The following STXBP6 variants were observed in gnomAD, a reference collection of about 807,000 sequenced individuals.
The protein encoded by STXBP6 is syntaxin-binding protein 6.
STXBP6 carries 21 observed loss-of-function variants against 26.9 expected under a neutral mutation model. The observed-to-expected ratio is 0.78, with a 90% CI of 0.55 to 1.12. STXBP6 has a LOEUF of 1.12. Among genes scored for constraint, STXBP6 ranks in the 50% most tolerant of loss-of-function variants. STXBP6 has a pLI of 0.00. For synonymous variants in STXBP6, 97 were observed against 92.6 expected (o/e 1.05, Z -0.27); for missense variants, 232 against 257.9 (o/e 0.90, Z 0.69).
chr14:24,914,061 C>G (rs1345641296), intron 2 of STXBP6, among the ~76,000 whole-genome samples: 1 of 152,132 alleles, frequency 6.6e-6, no homozygotes, highest in Non-Finnish European at 1.5e-5. Flanking sequence ...GATACTAAAG[C>G]TGGTATCAGA....
At chr14:24,825,127 C>G (rs2068245452) in intron 4 of STXBP6, among the ~76,000 whole-genome samples, 1 of 152,112 alleles carries the variant, frequency 6.6e-6, no homozygotes, top group African/African-American at 2.4e-5. Flanking sequence ...CGGGTGAGAG[C>G]AGGAGAGGTA....
chr14:24,974,600 A>G (rs1438176329), intron 2 of STXBP6, 65 bp downstream of exon 2: 1 of 1,399,458 alleles, frequency 7.1e-7, no homozygotes, highest in East Asian at 2.5e-5. Flanking sequence ...CCTCCTGGAT[A>G]CCTCAGAATG....
chr14:24,831,775 G>A (rs1056538615), intron 4 of STXBP6, among the ~76,000 whole-genome samples: 3 of 152,112 alleles, frequency 2.0e-5, no homozygotes, highest in Admixed American at 6.5e-5. Flanking sequence ...TTGTCCTGAA[G>A]TCATGAGGTT....
intron 5 of STXBP6, chr14:24,817,844 G>A (rs2068024095): frequency 3.0e-6 from 1 of 331,688 alleles, no homozygotes; most frequent in Non-Finnish European, 5.9e-6. Context: ...GGGCCCCACG[G>A]GCAACAGTGC....
intron 1 of STXBP6, among the ~76,000 whole-genome samples, chr14:25,042,891 C>G (rs2075666085): frequency 6.6e-6 from 1 of 152,236 alleles, no homozygotes; most frequent in East Asian, 1.9e-4. Context: ...TATCATGCCT[C>G]TTGGACCCAA....
chr14:24,958,575 G>A (rs1476988197), intron 2 of STXBP6, among the ~76,000 whole-genome samples: 1 of 152,164 alleles, frequency 6.6e-6, no homozygotes, highest in Non-Finnish European at 1.5e-5. Context: ...CTTAAAGCTA[G>A]AGAATTTTAT....
In STXBP6 at chr14:24,974,782, C is replaced by T; in HGVS notation, c.37G>A (p.Ala13Thr). Residue 13 changes from alanine (A) to threonine (T), a missense_variant, in exon 2 of 6, where the codon GCA becomes ACA. Transcript: ENST00000323944. The stretch of plus-strand genomic sequence containing the variant: ...CCCAGCATCCTTTCATCAAGAGGTG[C>T]AAAAATTTCCTTGCTGATAGCAGAT... Reference protein sequence around the residue: ...AKSAISKEIFAPLDERMLGAV... With the variant: ...AKSAISKEIFTPLDERMLGAV... 6.2e-7 allele frequency: 1 copy of T among 1,608,536 alleles called. No individual in the cohort carries two copies. Among genetic ancestry groups the T allele is most frequent in the Non-Finnish European group, 8.5e-7 (1 of 1,177,034 alleles).
chr14:24,852,386 T>A (rs1227836979), intron 4 of STXBP6, among the ~76,000 whole-genome samples: 1 of 152,134 alleles, frequency 6.6e-6, no homozygotes, highest in Non-Finnish European at 1.5e-5. Flanking sequence ...TTTGTAACAC[T>A]GACTTCCATT....
intron 2 of STXBP6, among the ~76,000 whole-genome samples, chr14:24,931,275 T>C (rs2072397147): frequency 1.3e-5 from 2 of 149,088 alleles, no homozygotes; most frequent in Non-Finnish European, 3.0e-5. Context: ...TTAGGAGATA[T>C]ACCTAATGTC....
At chr14:24,872,116 T>C (rs1284992171) in intron 2 of STXBP6, among the ~76,000 whole-genome samples, 1 of 152,166 alleles carries the variant, frequency 6.6e-6, no homozygotes, top group Admixed American at 6.5e-5. Context: ...TATGCCAAAA[T>C]TCCCACGAAG....
chr14:24,894,851 A>G (rs2070927604), intron 2 of STXBP6, among the ~76,000 whole-genome samples: 1 of 150,896 alleles, frequency 6.6e-6, no homozygotes, highest in South Asian at 2.1e-4. Context: ...CTTTATTTTA[A>G]AAGTTTTCCA....
chr14:24,872,862 C>T (rs2069988617), intron 2 of STXBP6, among the ~76,000 whole-genome samples: 1 of 152,200 alleles, frequency 6.6e-6, no homozygotes, highest in African/African-American at 2.4e-5. Flanking sequence ...CTCAGAAATC[C>T]AGCTCACACT....
intron 1 of STXBP6, among the ~76,000 whole-genome samples, chr14:24,979,366 T>G (rs2074127695): frequency 6.6e-6 from 1 of 152,332 alleles, no homozygotes; most frequent in East Asian, 1.9e-4. Flanking sequence ...GTCAGCATGC[T>G]GATAACAAGT....
chr14:25,048,836 G>C (rs1370101557), intron 1 of STXBP6: 1 of 152,374 alleles, frequency 6.6e-6, no homozygotes, highest in South Asian at 2.1e-4. Flanking sequence ...GTGGAGCCAG[G>C]AAAAATTCGT....
At chr14:24,821,293 A>T (rs1258360876) in intron 4 of STXBP6, among the ~76,000 whole-genome samples, 1 of 152,216 alleles carries the variant, frequency 6.6e-6, no homozygotes, top group Non-Finnish European at 1.5e-5. Context: ...GAGGGTGTAT[A>T]ACCAAGACTT....
intron 2 of STXBP6, among the ~76,000 whole-genome samples, chr14:24,961,684 T>C (rs1427840861): frequency 6.6e-6 from 1 of 152,118 alleles, no homozygotes; most frequent in Non-Finnish European, 1.5e-5. Flanking sequence ...AAAAATTACC[T>C]ATCCAATACA....
chr14:24,989,608 G>C (rs1370285156), intron 1 of STXBP6, among the ~76,000 whole-genome samples: 1 of 152,228 alleles, frequency 6.6e-6, no homozygotes, highest in Non-Finnish European at 1.5e-5. Flanking sequence ...TGAAATGTGT[G>C]TTTGTGGGGA....
chr14:24,955,690 T>C (rs1004498862), intron 2 of STXBP6, among the ~76,000 whole-genome samples: 5 of 152,014 alleles, frequency 3.3e-5, no homozygotes, highest in African/African-American at 1.2e-4. Context: ...GGTATCTCGG[T>C]TGGCTAGGGA....
chr14:24,873,294 T>TA lies in STXBP6; in HGVS notation c.155-16138dup, dbSNP rs36025216. Among the ~76,000 whole-genome samples the TA allele has an allele frequency of 5.8e-3, 861 of 148,134 alleles. 8 individuals are homozygous for TA. The highest frequency in any genetic ancestry group is 0.02 in the African/African-American group (815 of 40,292). On this transcript the variant is annotated intron_variant, in intron 2 of 5. Coordinates refer to ENST00000323944, the MANE Select transcript of STXBP6 (RefSeq NM_001394410.1). ...CAACGGTTTTCAGGTTACATTTAGA[T>TA]AAAAAAAAAAATTCAAGCAAGAAAT...
Sources: allele counts gnomAD v4.1 joint callset (sites outside exome capture counted in the v4.1 genomes callset), GRCh38; gene constraint gnomAD v4.1.1; transcripts MANE v1.5; gene names NCBI Gene and HGNC (gene_info 2026-07-23, HGNC 2026-07-21).